SLC4A5: variants seen among roughly 807,000 people sequenced by gnomAD.
SLC4A5 encodes solute carrier family 4 member 5.
A neutral mutation model predicts 120.4 loss-of-function variants in SLC4A5; 96 were observed. The ratio of observed to expected loss-of-function variants is 0.80; its 90% CI spans 0.68 to 0.94. The LOEUF (loss-of-function observed/expected upper bound fraction) is 0.94. Among genes scored for constraint, SLC4A5 ranks in the 40% least tolerant of loss-of-function variants. SLC4A5 has a pLI of 0.00. For missense variants in SLC4A5, 1,259 were observed against 1,459.5 expected (o/e 0.86, Z 2.24); for synonymous variants, 550 against 571.1 (o/e 0.96, Z 0.53).
chr2:74,248,060 T>C (rs1670672437), intron 18 of SLC4A5, among the ~76,000 whole-genome samples: 1 of 152,162 alleles, frequency 6.6e-6, no homozygotes, highest in East Asian at 1.9e-4. Context: ...AGCCCAAGAC[T>C]TCATACACTA....
At chr2:74,290,747 GGAAGCC>G (rs1250196955) in intron 7 of SLC4A5, 74 of 985,878 alleles carry the variant, frequency 7.5e-5, no homozygotes, top group Non-Finnish European at 8.8e-5. Context: ...ACCTCAAGCA[GGAAGCC>G]GGGTCTCCAC....
chr2:74,301,652 G>C (rs78491609), intron 7 of SLC4A5, among the ~76,000 whole-genome samples: 5,847 of 152,336 alleles, frequency 0.038, 386 homozygotes, highest in African/African-American at 0.13. Context: ...GTTTTATTTT[G>C]ACTTCTGCAG....
At position 74,315,553 on chromosome 2, in the gene SLC4A5, C is replaced by G. The variant is rs546849798; in HGVS notation, c.-2-528G>C. 6.3e-4 allele frequency among the ~76,000 whole-genome samples: 95 copies of G among 150,550 alleles called. 1 individual carries two copies. The highest frequency in any genetic ancestry group is 2.2e-3 in the African/African-American group (89 of 41,052). On this transcript the variant is annotated intron_variant, in intron 5 of 30. Coordinates refer to ENST00000394019, the Ensembl canonical transcript of SLC4A5. ...ACAAATGACACATTTACAAAGAGAG[C>G]ACATATACTACGTCACAGAAAAGCC...
chr2:74,221,513 A>G lies in SLC4A5; in HGVS notation c.3332-12T>C. 6.2e-7 allele frequency: 1 copy of G among 1,614,056 alleles called. No homozygotes were observed. The highest frequency in any genetic ancestry group is 8.5e-7 in the Non-Finnish European group (1 of 1,179,886). The stretch of plus-strand genomic sequence containing the variant: ...GGAAGATCTTTTTCCTGGCAGGAAA[A>G]TGAAAAATGTCAGATGTGGAGCAGG... On this transcript the variant is annotated splice_polypyrimidine_tract_variant and intron_variant, in intron 29 of 30. Coordinates refer to ENST00000394019, the Ensembl canonical transcript of SLC4A5.
At chr2:74,309,706 A>C (rs1404639902) in intron 6 of SLC4A5, among the ~76,000 whole-genome samples, 2 of 151,368 alleles carry the variant, frequency 1.3e-5, no homozygotes, top group African/African-American at 4.9e-5. Flanking sequence ...CCCAGGCTGA[A>C]GTGTAGTGGC....
chr2:74,318,154 T>C (rs1354533576), intron 5 of SLC4A5, among the ~76,000 whole-genome samples: 1 of 151,692 alleles, frequency 6.6e-6, no homozygotes, highest in Non-Finnish European at 1.5e-5. Flanking sequence ...TATTGCACAC[T>C]GCGCATGTGA....
At chr2:74,254,544 G>T in intron 14 of SLC4A5, 75 bp downstream of exon 14, 1 of 1,155,202 alleles carries the variant, frequency 8.7e-7, no homozygotes, top group Non-Finnish European at 1.3e-6. Context: ...GGCTGGATAA[G>T]TTAATGAATG....
At chr2:74,252,295 A>G (rs1228626781) in exon 16 of SLC4A5, 1 of 1,612,032 alleles carries the variant, frequency 6.2e-7, no homozygotes, top group Non-Finnish European at 8.5e-7. Flanking sequence ...TGCCACCACC[A>G]CCACCACCTC....
At chr2:74,290,552 GA>G (rs1672126962) in intron 7 of SLC4A5, 1 of 984,654 alleles carries the variant, frequency 1.0e-6, no homozygotes, top group Non-Finnish European at 1.2e-6. Context: ...AAAAGTGTTT[GA>G]GAGAGAAAAG....
exon 23 of SLC4A5, chr2:74,233,536 C>G: frequency 6.2e-7 from 1 of 1,613,872 alleles, no homozygotes; most frequent in Non-Finnish European, 8.5e-7. Context: ...AAGGGGGCCA[C>G]GAACCAGCCT....
intron 11 of SLC4A5, among the ~76,000 whole-genome samples, chr2:74,260,104 T>G (rs1671088429): frequency 6.6e-6 from 1 of 152,182 alleles, no homozygotes; most frequent in East Asian, 1.9e-4. Flanking sequence ...GGATTTAGGC[T>G]GGCAGAGGGA....
At chr2:74,266,568 C>T (rs1176797615) in intron 8 of SLC4A5, among the ~76,000 whole-genome samples, 1 of 152,200 alleles carries the variant, frequency 6.6e-6, no homozygotes, top group Non-Finnish European at 1.5e-5. Flanking sequence ...CACGCCCAGT[C>T]ACGGAATTAG....
intron 8 of SLC4A5, among the ~76,000 whole-genome samples, chr2:74,278,423 C>T (rs1671711888): frequency 6.6e-6 from 1 of 152,134 alleles, no homozygotes; most frequent in African/African-American, 2.4e-5. Context: ...CTTGTGCTTC[C>T]CCTGTCTGAT....
At chr2:74,250,615 G>A in intron 16 of SLC4A5, 98 bp from the exon 17 acceptor site, 2 of 1,440,862 alleles carry the variant, frequency 1.4e-6, no homozygotes, top group Non-Finnish European at 1.9e-6. Flanking sequence ...GCGAGGAAAG[G>A]AACTTGACCA....
At chr2:74,340,241 T>C (rs1312292767) in intron 2 of SLC4A5, among the ~76,000 whole-genome samples, 1 of 152,234 alleles carries the variant, frequency 6.6e-6, no homozygotes, top group Non-Finnish European at 1.5e-5. Context: ...AATAAAAATA[T>C]TTCTTTATCA....
chr2:74,224,565 G>A (rs1694775318), intron 28 of SLC4A5, among the ~76,000 whole-genome samples: 2 of 152,278 alleles, frequency 1.3e-5, no homozygotes, highest in South Asian at 4.1e-4. Flanking sequence ...GATCACGGCC[G>A]TAAAGCCCAC....
chr2:74,312,851 T>C (rs1328072367), intron 6 of SLC4A5, among the ~76,000 whole-genome samples: 2 of 152,118 alleles, frequency 1.3e-5, no homozygotes, highest in Non-Finnish European at 2.9e-5. Flanking sequence ...GAGAATTGCC[T>C]GAACCTGGGA....
At chr2:74,273,940 G>A (rs1307526878) in intron 8 of SLC4A5, among the ~76,000 whole-genome samples, 3 of 152,352 alleles carry the variant, frequency 2.0e-5, no homozygotes, top group Non-Finnish European at 4.4e-5. Context: ...AAGGCAGGCA[G>A]ATCCCTTGAG....
At chr2:74,227,602 T>A in intron 26 of SLC4A5, 1 of 1,510,358 alleles carries the variant, frequency 6.6e-7, no homozygotes. Context: ...TTACATAGAT[T>A]CAATTATATG....
Sources: allele counts gnomAD v4.1 joint callset (sites outside exome capture counted in the v4.1 genomes callset), GRCh38; gene constraint gnomAD v4.1.1; transcripts MANE v1.5; gene names NCBI Gene and HGNC (gene_info 2026-07-23, HGNC 2026-07-21).